Variants in SETBP1 observed in about 807,000 individuals in gnomAD.
SETBP1 encodes SET binding protein 1, also known as SET-binding protein.
A neutral mutation model predicts 101.0 loss-of-function variants in SETBP1; 9 were observed. That is an observed-to-expected ratio of 0.09 (90% CI 0.05 to 0.16). SETBP1 has a LOEUF of 0.16. SETBP1 is among the 10% of genes least tolerant of loss of function. The pLI, the probability that SETBP1 is intolerant of heterozygous loss-of-function variation, is 1.00. For synonymous variants in SETBP1, 818 were observed against 788.5 expected (o/e 1.04, Z -0.63); for missense variants, 1,858 against 2,033.8 (o/e 0.91, Z 1.66).
intron 2 of SETBP1, among the ~76,000 whole-genome samples, chr18:44,744,361 C>G (rs934980790): frequency 6.6e-6 from 1 of 152,240 alleles, no homozygotes; most frequent in African/African-American, 2.4e-5. Flanking sequence ...CCGGATTAGG[C>G]AGCAGAATGG....
intron 2 of SETBP1, among the ~76,000 whole-genome samples, chr18:44,781,952 C>G (rs1265341235): frequency 6.6e-6 from 1 of 152,226 alleles, no homozygotes; most frequent in Non-Finnish European, 1.5e-5. Flanking sequence ...TCACTATTTG[C>G]AACCCTTAAC....
chr18:44,917,033 A>G lies in SETBP1; in HGVS notation c.541-32848A>G, dbSNP rs549460538. 6.6e-5 allele frequency among the ~76,000 whole-genome samples: 10 copies of G among 152,308 alleles called. 1 individual carries two copies. Among genetic ancestry groups the G allele is most frequent in the Admixed American group, 6.5e-4 (10 of 15,304 alleles). ...TTCATTGACTTCACCATGCCCTATT[A>G]ATTGATTCTGGGGAACCCCATCAGG... On this transcript the variant is annotated intron_variant, in intron 3 of 5. Transcript: ENST00000649279.
chr18:44,857,483 G>C (rs2073001687), intron 2 of SETBP1, among the ~76,000 whole-genome samples: 1 of 152,200 alleles, frequency 6.6e-6, no homozygotes, highest in Non-Finnish European at 1.5e-5. Flanking sequence ...ACTTGCTCAA[G>C]GTTGCACTTT....
At chr18:44,898,077 AG>A (rs1289218552) in intron 3 of SETBP1, among the ~76,000 whole-genome samples, 4 of 152,164 alleles carry the variant, frequency 2.6e-5, no homozygotes, top group Admixed American at 2.6e-4. Flanking sequence ...AAACTCACTC[AG>A]GGCTCTTTGC....
intron 3 of SETBP1, among the ~76,000 whole-genome samples, chr18:44,918,945 C>T (rs973909465): frequency 1.3e-5 from 2 of 152,148 alleles, no homozygotes; most frequent in African/African-American, 4.8e-5. Flanking sequence ...TCTCCTGGGG[C>T]TTAATATCTA....
intron 2 of SETBP1, among the ~76,000 whole-genome samples, chr18:44,807,606 T>C (rs935258581): frequency 6.6e-6 from 1 of 152,212 alleles, no homozygotes; most frequent in Admixed American, 6.5e-5. Flanking sequence ...GTCAACATCT[T>C]ACCAATTTGG....
chr18:44,741,330 T>G (rs998625984), intron 2 of SETBP1, among the ~76,000 whole-genome samples: 3 of 152,166 alleles, frequency 2.0e-5, no homozygotes, highest in Non-Finnish European at 4.4e-5. Context: ...AAATAGGAAC[T>G]GTCCTAAGAT....
rs146915276 is a variant in SETBP1 at position 44,895,009 on chromosome 18, G to A, written c.540+25726G>A. On this transcript the variant is annotated intron_variant, in intron 3 of 5. Coordinates refer to ENST00000649279, the MANE Select transcript of SETBP1 (RefSeq NM_015559.3). The stretch of plus-strand genomic sequence containing the variant: ...TGTGCCTGTAGTCCCAGCTACTAGG[G>A]AGGCTGAGGTGGGAGGATCACTTGA... Among the ~76,000 whole-genome samples the A allele has an allele frequency of 7.0e-3, 1,041 of 149,638 alleles. 13 individuals carry two copies. Among genetic ancestry groups the A allele is most frequent in the African/African-American group, 0.024 (988 of 40,436 alleles).
At chr18:45,010,154 C>T (rs1040078278) in intron 4 of SETBP1, among the ~76,000 whole-genome samples, 3 of 152,208 alleles carry the variant, frequency 2.0e-5, no homozygotes, top group Non-Finnish European at 4.4e-5. Flanking sequence ...TCCCACCCCA[C>T]GAAGCTTGTT....
rs1467477166 is a variant in SETBP1, at chr18:44,720,920, A to T, written c.486+19088A>T. Among the ~76,000 whole-genome samples the T allele has an allele frequency of 7.1e-5, 4 of 56,266 alleles. No individual in the cohort carries two copies. In the East Asian group the frequency reaches 1.7e-3, roughly 24 times the overall value. The allele number at this position is 56,266 out of a possible 152,430, so 36.9% of individuals were successfully genotyped here. Reference sequence around the variant, plus strand: ...CCTCCAACCCCCACCCCCCACCCCAACCCCTTGGGGAGAAGAGAATGAAGG... The same window carrying T: ...CCTCCAACCCCCACCCCCCACCCCATCCCCTTGGGGAGAAGAGAATGAAGG... On this transcript the variant is annotated intron_variant, in intron 2 of 5. Coordinates refer to ENST00000649279, the MANE Select transcript of SETBP1 (RefSeq NM_015559.3).
At chr18:45,038,261 C>A (rs1396596673) in intron 4 of SETBP1, among the ~76,000 whole-genome samples, 1 of 152,192 alleles carries the variant, frequency 6.6e-6, no homozygotes, top group Non-Finnish European at 1.5e-5. Flanking sequence ...CCCACCACTT[C>A]CAGGCAGCCA....
intron 4 of SETBP1, among the ~76,000 whole-genome samples, chr18:45,005,305 C>A (rs2072701114): frequency 2.0e-5 from 3 of 152,160 alleles, no homozygotes. Flanking sequence ...ATACAGTCAT[C>A]ATTTTTCTGG....
chr18:44,701,847 C>T lies in SETBP1; in HGVS notation c.486+15C>T, dbSNP rs2069121484. ...CCAAAAAGAAGGTAGGAAGCCCTGTCTTATGGTTGTTTTTGTTTGTTTCTC... is the reference window on the plus strand; with the variant it reads ...CCAAAAAGAAGGTAGGAAGCCCTGTTTTATGGTTGTTTTTGTTTGTTTCTC... On this transcript the variant is annotated intron_variant, in intron 2 of 5. Transcript: ENST00000649279. 1 of 1,610,084 alleles carries T rather than the reference C, an allele frequency of 6.2e-7. No individual in the cohort carries two copies. The highest frequency in any genetic ancestry group is 1.3e-5 in the African/African-American group (1 of 74,906).
At chr18:45,021,458 A>G (rs1346057915) in intron 4 of SETBP1, among the ~76,000 whole-genome samples, 2 of 152,154 alleles carry the variant, frequency 1.3e-5, no homozygotes, top group Admixed American at 6.5e-5. Flanking sequence ...TAGACCACCA[A>G]TGAAATGTTC....
At chr18:44,703,044 T>G (rs1400854381) in intron 2 of SETBP1, among the ~76,000 whole-genome samples, 2 of 152,214 alleles carry the variant, frequency 1.3e-5, no homozygotes, top group Non-Finnish European at 2.9e-5. Flanking sequence ...TTACAGTGAC[T>G]TACAGTGACC....
intron 2 of SETBP1, among the ~76,000 whole-genome samples, chr18:44,710,022 A>G (rs572271744): frequency 3.3e-5 from 5 of 152,090 alleles, no homozygotes; most frequent in Admixed American, 3.3e-4. Context: ...CTCTTCCAGC[A>G]TTTGCAAAGT....
chr18:44,877,706 C>T (rs1046792104), intron 3 of SETBP1, among the ~76,000 whole-genome samples: 1 of 152,192 alleles, frequency 6.6e-6, no homozygotes, highest in Non-Finnish European at 1.5e-5. Context: ...ATGAAATCAA[C>T]AGTTTCCTCC....
chr18:44,703,348 GTTTTTTTTTTTTTTTTTTTTTTTTTTTTT>G lies in SETBP1; in HGVS notation c.486+1534_486+1562del, dbSNP rs531974601. On this transcript the variant is annotated intron_variant, in intron 2 of 5. Coordinates refer to ENST00000649279, the MANE Select transcript of SETBP1 (RefSeq NM_015559.3). ...TCCATAGCATTTCTGTTACCATTAGGTTTTTTTTTTTTTTTTTTTTTTTTTTTTTTTTTTTTTTTTTTTTTTAGCTTTGG... is the reference window on the plus strand; with the variant it reads ...TCCATAGCATTTCTGTTACCATTAGGTTTTTTTTTTTTTTTTTAGCTTTGG... 2.6e-3 allele frequency among the ~76,000 whole-genome samples: 132 copies of G among 51,446 alleles called. 1 individual carries two copies. Among genetic ancestry groups the G allele is most frequent in the African/African-American group, 8.0e-3 (112 of 13,954 alleles). 33.8% of individuals were successfully genotyped at this position (51,446 alleles called of 152,430 possible). A position where few individuals can be genotyped will look rare whatever the true frequency, so the allele number is the denominator to read the frequency against.
intron 2 of SETBP1, among the ~76,000 whole-genome samples, chr18:44,798,228 C>T (rs535821047): frequency 2.0e-5 from 3 of 152,224 alleles, no homozygotes; most frequent in South Asian, 4.2e-4. Context: ...AACATGTAGA[C>T]TTTCAAGACA....
Sources: allele counts gnomAD v4.1 joint callset (sites outside exome capture counted in the v4.1 genomes callset), GRCh38; gene constraint gnomAD v4.1.1; transcripts MANE v1.5; gene names NCBI Gene and HGNC (gene_info 2026-07-23, HGNC 2026-07-21).